The following ZBP1 variants were observed in gnomAD, a reference collection of about 807,000 sequenced individuals.
ZBP1 encodes Z-DNA binding protein 1.
ZBP1 carries 42 observed loss-of-function variants against 41.1 expected under a neutral mutation model. The ratio of observed to expected loss-of-function variants is 1.02; its 90% CI spans 0.80 to 1.32. The LOEUF is 1.32. Ranked by LOEUF, ZBP1 falls within the 40% of genes most tolerant of loss-of-function variation. The pLI is 0.00. For missense variants in ZBP1, 562 were observed against 549.7 expected (o/e 1.02, Z -0.22); for synonymous variants, 214 against 205.2 (o/e 1.04, Z -0.37).
At chr20:57,611,084 C>T (rs954848509) in intron 6 of ZBP1, among the ~76,000 whole-genome samples, 3 of 152,180 alleles carry the variant, frequency 2.0e-5, no homozygotes, top group Non-Finnish European at 2.9e-5. Context: ...GCTCCTAGTA[C>T]GGCACCTGTC....
chr20:57,615,213 C>T, intron 3 of ZBP1, 153 bp from the exon 4 acceptor site: 2 of 869,410 alleles, frequency 2.3e-6, no homozygotes, highest in South Asian at 3.3e-5. Context: ...CATCATGACG[C>T]ACCGCAGAGG....
At chr20:57,615,184 G>T in intron 3 of ZBP1, 124 bp from the exon 4 acceptor site, 1 of 1,092,346 alleles carries the variant, frequency 9.2e-7, no homozygotes, top group Non-Finnish European at 1.3e-6. Context: ...CTGTAAAATG[G>T]GTGTCATGAT....
intron 7 of ZBP1, among the ~76,000 whole-genome samples, chr20:57,609,518 C>CACGCCTGTAA: frequency 1.3e-5 from 2 of 151,824 alleles, no homozygotes; most frequent in Non-Finnish European, 2.9e-5. Context: ...AACAGCGGCT[C>CACGCCTGTAA]TCTGTACCCT....
chr20:57,613,163 C>A lies in ZBP1; in HGVS notation c.670G>T (p.Gly224Cys), dbSNP rs41304401. The A allele has an allele frequency of 6.2e-7, 1 of 1,614,174 alleles. No individual in the cohort carries two copies. Among genetic ancestry groups the A allele is most frequent in the Non-Finnish European group, 8.5e-7 (1 of 1,180,040 alleles). Residue 224 changes from glycine to cysteine, a missense_variant and splice_region_variant, in exon 5 of 8, where the codon GGT becomes TGT. Coordinates refer to ENST00000371173, the MANE Select transcript of ZBP1 (RefSeq NM_030776.3). This position sits in a 1 kb window ranked among gnomAD's most constrained non-coding sequence, Gnocchi z 4.5. ...ITRQTVSRED[G>C]SAGPRHLPSM... ...CCCTGGGCTCTCTTGGGTGACTTAC[C>A]GTCCTCCCTGGAGACTGTCTGTCTT... is the stretch of plus-strand genomic sequence containing the variant.
chr20:57,610,103 G>C lies in ZBP1; in HGVS notation c.1093+46C>G. ...GAATGAATGAATGAGTGGAAGGTGG[G>C]GAGAGAGAGAGAACACACAGGGGTC... On this transcript the variant is annotated intron_variant, in intron 7 of 7. Transcript: ENST00000371173. This position sits in a 1 kb window ranked among gnomAD's most constrained non-coding sequence, Gnocchi z 5.5. 2 of 1,545,464 alleles carry C rather than the reference G, an allele frequency of 1.3e-6. No individual in the cohort carries two copies. The highest frequency in any genetic ancestry group is 1.8e-6 in the Non-Finnish European group (2 of 1,121,224).
At chr20:57,608,127 ATT>A (rs35089801) in intron 7 of ZBP1, among the ~76,000 whole-genome samples, 2 of 146,544 alleles carry the variant, frequency 1.4e-5, no homozygotes, top group Non-Finnish European at 1.5e-5. Flanking sequence ...GAGTGTGACC[ATT>A]TTTTTTTTTT....
chr20:57,607,190 G>T, intron 7 of ZBP1: 1 of 1,304,104 alleles, frequency 7.7e-7, no homozygotes, highest in South Asian at 1.2e-5. Context: ...AAGAACATTT[G>T]TGATTCATGG....
intron 3 of ZBP1, 58 bp downstream of exon 3, chr20:57,615,454 G>T (rs1285024875): frequency 1.3e-6 from 2 of 1,569,008 alleles, no homozygotes; most frequent in Non-Finnish European, 1.8e-6. Context: ...GAGGGCCTGG[G>T]GTTCCTGGGG....
At chr20:57,618,846 G>T (rs2070918375) in intron 1 of ZBP1, among the ~76,000 whole-genome samples, 1 of 152,198 alleles carries the variant, frequency 6.6e-6, no homozygotes, top group Non-Finnish European at 1.5e-5. Flanking sequence ...CTCCCAAAGT[G>T]CTGGGATTGC....
intron 3 of ZBP1, 112 bp downstream of exon 3, chr20:57,615,400 T>C: frequency 8.6e-7 from 1 of 1,160,366 alleles, no homozygotes; most frequent in South Asian, 1.3e-5. Context: ...GCCTGGTGGG[T>C]GGGACAGGGC....
In ZBP1 at chr20:57,613,334, C is replaced by T; in HGVS notation, c.503-4G>A. The T allele has an allele frequency of 6.2e-7, 1 of 1,612,184 alleles. No individual in the cohort carries two copies. The highest frequency in any genetic ancestry group is 8.5e-7 in the Non-Finnish European group (1 of 1,179,900). ...TTTGCTCTTCTTCCAGAATCTTCTGCAAAATAATATTCAACTGTATCCCTT... is the reference window on the plus strand; with the variant it reads ...TTTGCTCTTCTTCCAGAATCTTCTGTAAAATAATATTCAACTGTATCCCTT... On this transcript the variant is annotated splice_region_variant and splice_polypyrimidine_tract_variant and intron_variant, in intron 4 of 7. Transcript: ENST00000371173. The surrounding 1 kb of genome is among the most constrained non-coding windows in gnomAD (Gnocchi z 4.5).
rs1600719933 is a variant in ZBP1, at chr20:57,603,998, G to C, written c.*575C>G. ...TTCTCCTCCCTCAGCCTCCGGAGTA[G>C]CTGGGACTCCAGGTGCCCGCCACAA... On this transcript the variant is annotated 3_prime_UTR_variant, in exon 8 of 8. Transcript: ENST00000371173. This position sits in a 1 kb window ranked among gnomAD's most constrained non-coding sequence, Gnocchi z 4.6. 1 of 193,350 alleles carries C rather than the reference G, an allele frequency of 5.2e-6. No individual in the cohort carries two copies. Among genetic ancestry groups the C allele is most frequent in the African/African-American group, 2.4e-5 (1 of 42,080 alleles). 12.0% of individuals were successfully genotyped at this position (193,350 alleles called of 1,614,324 possible).
In ZBP1 at chr20:57,604,390, T is replaced by C. The variant is rs2070444486; in HGVS notation, c.*183A>G. 1.3e-6 allele frequency: 1 copy of C among 757,376 alleles called. No individual in the cohort carries two copies. The allele number at this position is 757,376 out of a possible 1,614,324, so 46.9% of individuals were successfully genotyped here. On this transcript the variant is annotated 3_prime_UTR_variant, in exon 8 of 8. Transcript: ENST00000371173. The stretch of plus-strand genomic sequence containing the variant: ...ACTCCCTGTCATCTACTCCTGGCCA[T>C]CAAAAGACCTGGCCTGAACCCATCC...
rs545212104 is a variant in ZBP1, at chr20:57,614,764, G to A, written c.502+123C>T. On this transcript the variant is annotated intron_variant, in intron 4 of 7. Transcript: ENST00000371173. The stretch of plus-strand genomic sequence containing the variant: ...CTGGAAGCCCTTGCAGTGAATTGTC[G>A]GTAGGACCTCCAGAAGCTTCTAGCA... 2.9e-4 allele frequency: 385 copies of A among 1,310,454 alleles called. No individual in the cohort carries two copies. The African/African-American group carries it at 4.7e-3, about 16-fold the overall frequency. The allele number at this position is 1,310,454 out of a possible 1,614,324, so 81.2% of individuals were successfully genotyped here.
chr20:57,606,975 A>C (rs1218134909), intron 7 of ZBP1: 1 of 1,196,580 alleles, frequency 8.4e-7, no homozygotes. Context: ...GAGATGTAAA[A>C]AAGAATTAAC....
rs71329748 is a variant in ZBP1, at chr20:57,610,889, G to A, written c.875-522C>T. ...CCTCAAGGTTACCACGATCCCTCTCGCTGAACCCCACAGATGCTTCCCTGG... is the reference window on the plus strand; with the variant it reads ...CCTCAAGGTTACCACGATCCCTCTCACTGAACCCCACAGATGCTTCCCTGG... On this transcript the variant is annotated intron_variant, in intron 6 of 7. Coordinates refer to ENST00000371173, the MANE Select transcript of ZBP1 (RefSeq NM_030776.3). The surrounding 1 kb of genome is among the most constrained non-coding windows in gnomAD (Gnocchi z 5.5). Among the ~76,000 whole-genome samples, 30 of 147,136 alleles carry A rather than the reference G, an allele frequency of 2.0e-4. No homozygotes were observed. The highest frequency in any genetic ancestry group is 3.0e-4 in the Non-Finnish European group (20 of 67,094).
chr20:57,616,103 A>T, intron 2 of ZBP1, 141 bp downstream of exon 2: 1 of 765,338 alleles, frequency 1.3e-6, no homozygotes, highest in Non-Finnish European at 2.0e-6. Context: ...AACCAGAAAA[A>T]GAAACCAAGG....
chr20:57,615,068 G>C lies in ZBP1; in HGVS notation c.329-8C>G. The C allele has an allele frequency of 6.2e-7, 1 of 1,614,126 alleles. No individual in the cohort carries two copies. The highest frequency in any genetic ancestry group is 8.5e-7 in the Non-Finnish European group (1 of 1,179,982). ...ACCTGTAGATGTCTTCCTCTGGGAG[G>C]CAGGATGGCCAGGTGGTTAGGGAGT... On this transcript the variant is annotated splice_polypyrimidine_tract_variant and splice_region_variant and intron_variant, in intron 3 of 7. Transcript: ENST00000371173.
rs1568933836 is a variant in ZBP1, at chr20:57,613,134, C to T, written c.670+29G>A. 1 of 1,613,996 alleles carries T rather than the reference C, an allele frequency of 6.2e-7. No individual in the cohort carries two copies. Among genetic ancestry groups the T allele is most frequent in the Non-Finnish European group, 8.5e-7 (1 of 1,179,934 alleles). On this transcript the variant is annotated intron_variant, in intron 5 of 7. Coordinates refer to ENST00000371173, the MANE Select transcript of ZBP1 (RefSeq NM_030776.3). The surrounding 1 kb of genome is among the most constrained non-coding windows in gnomAD (Gnocchi z 4.5). ...GATCCGGTGGCTCCCCACCGAGGTC[C>T]CCTCCCTGGGCTCTCTTGGGTGACT...
Sources: allele counts gnomAD v4.1 joint callset (sites outside exome capture counted in the v4.1 genomes callset), GRCh38; gene constraint gnomAD v4.1.1; non-coding constraint Gnocchi (gnomAD v3.1); transcripts MANE v1.5; gene names NCBI Gene and HGNC (gene_info 2026-07-23, HGNC 2026-07-21).